TOX4: variants seen among roughly 807,000 people sequenced by gnomAD.
The protein encoded by TOX4 is TOX high mobility group box family member 4, also known as epidermal Langerhans cell protein LCP1.
A neutral mutation model predicts 61.0 loss-of-function variants in TOX4; 12 were observed. The ratio of observed to expected loss-of-function variants is 0.20; its 90% CI spans 0.13 to 0.32. The LOEUF is 0.32. TOX4 is among the 10% of genes least tolerant of loss of function. The probability of loss-of-function intolerance (pLI) is 1.00; values close to 1 mark genes in which losing one functional copy is unlikely to be tolerated. For synonymous variants in TOX4, 268 were observed against 274.8 expected (o/e 0.98, Z 0.24); for missense variants, 499 against 753.3 (o/e 0.66, Z 3.95).
rs1203832481 is a variant in TOX4 at position 21,498,219 on chromosome 14, G to T, written c.*1613G>T. The T allele has an allele frequency of 1.7e-6, 2 of 1,173,126 alleles. No homozygotes were observed. Among genetic ancestry groups the T allele is most frequent in the South Asian group, 1.2e-5 (1 of 81,788 alleles). The allele number at this position is 1,173,126 out of a possible 1,614,324, so 72.7% of individuals were successfully genotyped here. On this transcript the variant is annotated 3_prime_UTR_variant, in exon 9 of 9. Transcript: ENST00000448790. ...TCACTCTTCAGGTTTAGCTTACAGA[G>T]CCATGGCTATGGATTCTTAGCTCTG...
At chr14:21,477,703 T>G (rs1891023943) in intron 2 of TOX4, 139 bp downstream of exon 2, 2 of 906,948 alleles carry the variant, frequency 2.2e-6, no homozygotes, top group South Asian at 3.0e-5. Context: ...AAGTGGCGGT[T>G]GCTTCTAGAG....
At chr14:21,495,497 A>G (rs1891381233) in intron 8 of TOX4, 105 bp downstream of exon 8, 2 of 1,348,842 alleles carry the variant, frequency 1.5e-6, no homozygotes, top group Non-Finnish European at 2.0e-6. Flanking sequence ...ACCTTACCTT[A>G]GGTAGAGTAG....
In TOX4 at chr14:21,489,178, T is replaced by C; in HGVS notation, c.585T>C (p.Leu195=). The C allele has an allele frequency of 6.2e-7, 1 of 1,613,180 alleles. No homozygotes were observed. Among genetic ancestry groups the C allele is most frequent in the Non-Finnish European group, 8.5e-7 (1 of 1,179,812 alleles). ...CTCTTTTTTCTCTCCTACAGCAACT[T>C]CCCAGCCAGAAGACAGTCGTGGTGG... ...EDGVEDFRRQ[L]PSQKTVVVEA... is the part of the protein sequence containing the mutation. The change falls in exon 5 of 9, where the codon CTT becomes CTC. Residue 195 remains leucine, a synonymous_variant. Transcript: ENST00000448790.
intron 8 of TOX4, 40 bp downstream of exon 8, chr14:21,495,432 T>G: frequency 6.3e-7 from 1 of 1,584,576 alleles, no homozygotes; most frequent in Non-Finnish European, 8.6e-7. Flanking sequence ...CAGCTACTGG[T>G]CAATTCTACT....
chr14:21,495,934 T>C (rs1347388700), intron 8 of TOX4: 2 of 153,040 alleles, frequency 1.3e-5, no homozygotes, highest in South Asian at 2.1e-4. Flanking sequence ...ACTGTTCTTA[T>C]ATTTTCAAGG....
Position 21,498,537 on chromosome 14 carries a change from T to C in TOX4, c.*1931T>C. On this transcript the variant is annotated 3_prime_UTR_variant, in exon 9 of 9. Transcript: ENST00000448790. ...ATATGGTAGAATTACTAGTTCAGAATTGGCATAGATTCTGGTGTTAAAATA... is the reference window on the plus strand; with the variant it reads ...ATATGGTAGAATTACTAGTTCAGAACTGGCATAGATTCTGGTGTTAAAATA... 1.5e-6 allele frequency: 1 copy of C among 649,744 alleles called. No individual in the cohort carries two copies. The allele number at this position is 649,744 out of a possible 1,614,324, so 40.2% of individuals were successfully genotyped here.
At position 21,487,670 on chromosome 14, in the gene TOX4, C is replaced by T; in HGVS notation, c.295C>T (p.Leu99Phe). ...TGGCTTGATGGAGCAGGGCGGGGGG[C>T]TCCTGAGTGGGGGCTTGACCATGGT... is the stretch of plus-strand genomic sequence containing the variant. ...THGLMEQGGG[L>F]LSGGLTMDLD... The change falls in exon 3 of 9, where the codon CTC becomes TTC. Residue 99 changes from leucine to phenylalanine, a missense_variant. Physicochemically the swap from Leu to Phe is conservative, Grantham distance 22 (BLOSUM62 0). Around this residue, in one of 7 missense-constraint regions of TOX4, gnomAD observed 90 missense variants for 109.5 expected, o/e 0.82. Coordinates refer to ENST00000448790, the MANE Select transcript of TOX4 (RefSeq NM_014828.4). 1 of 1,612,774 alleles carries T rather than the reference C, an allele frequency of 6.2e-7. No individual in the cohort carries two copies. The highest frequency in any genetic ancestry group is 8.5e-7 in the Non-Finnish European group (1 of 1,178,960).
chr14:21,477,387 A>G (rs1363044702), intron 1 of TOX4, 103 bp downstream of exon 1: 7 of 1,612,096 alleles, frequency 4.3e-6, no homozygotes, highest in Non-Finnish European at 5.9e-6. Context: ...GAGAGGAGAG[A>G]GAGCGGGGTT....
At chr14:21,488,136 G>T (rs867112617) in intron 3 of TOX4, 1 of 172,476 alleles carries the variant, frequency 5.8e-6, no homozygotes, top group South Asian at 1.4e-4. Context: ...TCAGTATATT[G>T]GGCTTCCAGC....
chr14:21,485,473 T>A (rs1891178520), intron 2 of TOX4, among the ~76,000 whole-genome samples: 1 of 99,380 alleles, frequency 1.0e-5, no homozygotes, highest in Admixed American at 9.0e-5. Context: ...TGTAGTTACT[T>A]GGGAACCTGA....
At chr14:21,483,957 A>T (rs368876937) in intron 2 of TOX4, among the ~76,000 whole-genome samples, 1 of 151,898 alleles carries the variant, frequency 6.6e-6, no homozygotes, top group South Asian at 2.1e-4. Context: ...ACAGACGCAC[A>T]CCACCACACC....
intron 5 of TOX4, among the ~76,000 whole-genome samples, chr14:21,489,649 G>C (rs1891251261): frequency 6.6e-6 from 1 of 151,888 alleles, no homozygotes; most frequent in Admixed American, 6.5e-5. Flanking sequence ...CGTGATCTCA[G>C]CTCACTGCAA....
intron 2 of TOX4, among the ~76,000 whole-genome samples, chr14:21,480,035 G>A (rs1786526369): frequency 6.6e-6 from 1 of 152,108 alleles, no homozygotes; most frequent in African/African-American, 2.4e-5. Context: ...ATCTCACCAT[G>A]TTGTCCAGGC....
Position 21,488,627 on chromosome 14 carries a change from A to T in TOX4, c.356A>T (p.Asn119Ile), listed in dbSNP as rs1484219207. 6.2e-7 allele frequency: 1 copy of T among 1,614,100 alleles called. No homozygotes were observed. Among genetic ancestry groups the T allele is most frequent in the Non-Finnish European group, 8.5e-7 (1 of 1,180,000 alleles). ...TCTATAGGAACTCAGTATAGTGCCA[A>T]CCCACCTGTTACAATTGATGTACCA... ...DHSIGTQYSA[N>I]PPVTIDVPMT... Residue 119 changes from asparagine to isoleucine, a missense_variant, in exon 4 of 9, where the codon AAC becomes ATC. Around this residue, in one of 7 missense-constraint regions of TOX4, gnomAD observed 90 missense variants for 109.5 expected, o/e 0.82. Coordinates refer to ENST00000448790, the MANE Select transcript of TOX4 (RefSeq NM_014828.4).
intron 2 of TOX4, among the ~76,000 whole-genome samples, chr14:21,480,762 G>A (rs1891093549): frequency 6.6e-6 from 1 of 152,162 alleles, no homozygotes; most frequent in South Asian, 2.1e-4. Flanking sequence ...AATATATCAA[G>A]TACTTCTGCA....
Position 21,492,226 on chromosome 14 carries a change from T to C in TOX4, c.811-70T>C. 2.2e-6 allele frequency: 3 copies of C among 1,373,822 alleles called. No individual in the cohort carries two copies. In the East Asian group the frequency reaches 6.9e-5, roughly 32 times the overall value. 85.1% of individuals were successfully genotyped at this position (1,373,822 alleles called of 1,614,324 possible). A position where few individuals can be genotyped will look rare whatever the true frequency, so the allele number is the denominator to read the frequency against. On this transcript the variant is annotated intron_variant, in intron 5 of 8. Transcript: ENST00000448790. ...TGAATTGTCATTCATTGATAAATAA[T>C]ACAGAACTATCAGTCTTTCCTAAGA...
intron 3 of TOX4, chr14:21,488,033 C>A: frequency 5.4e-6 from 1 of 183,592 alleles, no homozygotes; most frequent in Admixed American, 5.9e-5. Flanking sequence ...CAAAAATGGC[C>A]TGAATCACGT....
At chr14:21,477,473 C>A (rs540878834) in intron 1 of TOX4, 23 bp from the exon 2 acceptor site, 80 of 1,612,988 alleles carry the variant, frequency 5.0e-5, no homozygotes, top group East Asian at 3.6e-4. Flanking sequence ...AACTTATCCC[C>A]GCGACTTTCT....
Position 21,483,514 on chromosome 14 carries a change from A to G in TOX4, c.76-3937A>G, listed in dbSNP as rs138419391. On this transcript the variant is annotated intron_variant, in intron 2 of 8. Transcript: ENST00000448790. Reference sequence around the variant, plus strand: ...GACTGGAAGTTAAGAACTTCCACACAATAACAAAAATTATGGGCCAGACAC... The same window carrying G: ...GACTGGAAGTTAAGAACTTCCACACGATAACAAAAATTATGGGCCAGACAC... Among the ~76,000 whole-genome samples, 933 of 151,948 alleles carry G rather than the reference A, an allele frequency of 6.1e-3. 7 individuals carry two copies. The highest frequency in any genetic ancestry group is 0.021 in the African/African-American group (890 of 41,450).
Sources: allele counts gnomAD v4.1 joint callset (sites outside exome capture counted in the v4.1 genomes callset), GRCh38; gene constraint gnomAD v4.1.1; regional missense constraint gnomAD v4.1.1; transcripts MANE v1.5; gene names NCBI Gene and HGNC (gene_info 2026-07-23, HGNC 2026-07-21).